Variants in OSBPL8 observed in about 807,000 individuals in gnomAD.
OSBPL8 encodes oxysterol-binding protein-related protein 8.
In OSBPL8, 59 loss-of-function variants were observed where a neutral mutation model predicts 125.5. The observed-to-expected ratio is 0.47, with a 90% CI of 0.38 to 0.58. The LOEUF (loss-of-function observed/expected upper bound fraction) is 0.58, where lower values mean the gene tolerates loss of function less well. Among genes scored for constraint, OSBPL8 ranks in the 20% least tolerant of loss-of-function variants. OSBPL8 has a pLI of 0.00. For missense variants in OSBPL8, 758 were observed against 1,047.8 expected (o/e 0.72, Z 3.82); for synonymous variants, 330 against 338.9 (o/e 0.97, Z 0.29).
intron 7 of OSBPL8, 52 bp from the exon 8 acceptor site, chr12:76,397,949 A>T (rs759934439): frequency 1.4e-5 from 21 of 1,474,456 alleles, no homozygotes; most frequent in Non-Finnish European, 1.9e-5. Flanking sequence ...TCCAAGGTCC[A>T]AACGAAAATA....
chr12:76,520,026 CT>C (rs1219373158), intron 1 of OSBPL8, among the ~76,000 whole-genome samples: 1 of 152,162 alleles, frequency 6.6e-6, no homozygotes, highest in Non-Finnish European at 1.5e-5. Flanking sequence ...GCAGTTTCCC[CT>C]CTCACCTACC....
At position 76,378,440 on chromosome 12, in the gene OSBPL8, GA is replaced by G; in HGVS notation, c.1729+11del. The stretch of plus-strand genomic sequence containing the variant: ...AAGCTTAATATCTAATTCAAGTATA[GA>G]AAATATTTACCTTTACAATGAGCGT... On this transcript the variant is annotated intron_variant, in intron 16 of 23. Coordinates refer to ENST00000261183, the MANE Select transcript of OSBPL8 (RefSeq NM_020841.5). 1 of 1,503,394 alleles carries G rather than the reference GA, an allele frequency of 6.7e-7. No homozygotes were observed. The highest frequency in any genetic ancestry group is 9.1e-7 in the Non-Finnish European group (1 of 1,100,142). 93.1% of individuals were successfully genotyped at this position (1,503,394 alleles called of 1,614,324 possible).
At chr12:76,421,127 T>C (rs184095770) in intron 4 of OSBPL8, among the ~76,000 whole-genome samples, 21 of 152,086 alleles carry the variant, frequency 1.4e-4, no homozygotes, top group Admixed American at 1.2e-3. Flanking sequence ...ACTTGTGGCA[T>C]GAAGGTCAGC....
At chr12:76,464,949 G>A (rs368113843) in intron 2 of OSBPL8, among the ~76,000 whole-genome samples, 8 of 152,160 alleles carry the variant, frequency 5.3e-5, no homozygotes, top group Admixed American at 1.3e-4. Flanking sequence ...TAGGCCCTTA[G>A]AATAACAAAC....
At chr12:76,390,843 T>C (rs890598104) in intron 10 of OSBPL8, among the ~76,000 whole-genome samples, 186 bp from the exon 11 acceptor site, 1 of 152,216 alleles carries the variant, frequency 6.6e-6, no homozygotes, top group Non-Finnish European at 1.5e-5. Context: ...ATTATTATTC[T>C]CATTTTACAG....
intron 1 of OSBPL8, among the ~76,000 whole-genome samples, chr12:76,517,314 A>C (rs1476461021): frequency 6.6e-6 from 1 of 152,182 alleles, no homozygotes; most frequent in Admixed American, 6.5e-5. Flanking sequence ...AAACTCCAAA[A>C]AATTTCAGAC....
At chr12:76,449,548 G>C (rs1873126938) in intron 4 of OSBPL8, among the ~76,000 whole-genome samples, 1 of 152,156 alleles carries the variant, frequency 6.6e-6, no homozygotes, top group Non-Finnish European at 1.5e-5. Flanking sequence ...TGGAGTAGTA[G>C]GCACTGAATT....
chr12:76,550,709 T>C (rs1296016399), intron 1 of OSBPL8, among the ~76,000 whole-genome samples: 3 of 152,214 alleles, frequency 2.0e-5, no homozygotes, highest in Non-Finnish European at 2.9e-5. Flanking sequence ...AAGCTTAGTC[T>C]AGCCAATAAA....
chr12:76,400,001 TAAA>T, intron 6 of OSBPL8, 27 bp from the exon 7 acceptor site: 1 of 1,530,922 alleles, frequency 6.5e-7, no homozygotes, highest in African/African-American at 1.4e-5. Context: ...ATAGAAAAGA[TAAA>T]AACTCAACAG....
rs868584668 is a variant in OSBPL8, at chr12:76,531,389, T to A, written c.-68+28008A>T. On this transcript the variant is annotated intron_variant, in intron 1 of 23. Coordinates refer to ENST00000261183, the MANE Select transcript of OSBPL8 (RefSeq NM_020841.5). ...CAGTAATTCAATGGTAATAAAGTAT[T>A]CCCTCCATCATTCAAGTTAGGTCCA... 3.9e-5 allele frequency among the ~76,000 whole-genome samples: 6 copies of A among 152,320 alleles called. No homozygotes were observed. In the South Asian group the frequency reaches 1.2e-3, roughly 32 times the overall value.
At position 76,369,407 on chromosome 12, in the gene OSBPL8, C is replaced by T; in HGVS notation, c.2241-106G>A. ...TTTATTAATAATTATATACATAGTT[C>T]TAATAATGAGATTTCCCCATACCTA... is the stretch of plus-strand genomic sequence containing the variant. On this transcript the variant is annotated intron_variant, in intron 20 of 23. Transcript: ENST00000261183. 2.1e-6 allele frequency: 3 copies of T among 1,436,870 alleles called. No individual in the cohort carries two copies. In the South Asian group the frequency reaches 4.6e-5, roughly 22 times the overall value. The allele number at this position is 1,436,870 out of a possible 1,614,324, so 89.0% of individuals were successfully genotyped here.
chr12:76,520,514 A>G (rs1272059820), intron 1 of OSBPL8, among the ~76,000 whole-genome samples: 1 of 152,186 alleles, frequency 6.6e-6, no homozygotes, highest in Non-Finnish European at 1.5e-5. Context: ...TGGACCTTAC[A>G]TGAGGTTACA....
At chr12:76,383,085 C>T (rs1953132215) in intron 15 of OSBPL8, among the ~76,000 whole-genome samples, 1 of 152,134 alleles carries the variant, frequency 6.6e-6, no homozygotes, top group South Asian at 2.1e-4. Context: ...ATCTTAAATT[C>T]ATTCTGGATT....
chr12:76,361,136 A>C (rs895850414), intron 21 of OSBPL8, among the ~76,000 whole-genome samples: 1 of 152,184 alleles, frequency 6.6e-6, no homozygotes, highest in African/African-American at 2.4e-5. Flanking sequence ...TTTCCCTTTT[A>C]AAACAGACTG....
intron 1 of OSBPL8, among the ~76,000 whole-genome samples, chr12:76,556,902 G>T (rs1318511826): frequency 6.6e-6 from 1 of 152,098 alleles, no homozygotes; most frequent in Non-Finnish European, 1.5e-5. Context: ...CTGACCTCAT[G>T]ATCTGCCCAC....
At chr12:76,546,516 T>G (rs1457417147) in intron 1 of OSBPL8, among the ~76,000 whole-genome samples, 2 of 152,126 alleles carry the variant, frequency 1.3e-5, no homozygotes, top group Non-Finnish European at 2.9e-5. Context: ...GCAGCATTAT[T>G]AAGGTATTGC....
At chr12:76,551,494 T>C (rs1950936426) in intron 1 of OSBPL8, among the ~76,000 whole-genome samples, 1 of 152,128 alleles carries the variant, frequency 6.6e-6, no homozygotes, top group Non-Finnish European at 1.5e-5. Context: ...CAGAGTCAAG[T>C]TAAGAAACCC....
rs371027027 is a variant in OSBPL8 at position 76,356,334 on chromosome 12, C to A, written c.2537+292G>T. On this transcript the variant is annotated intron_variant, in intron 23 of 23. Coordinates refer to ENST00000261183, the MANE Select transcript of OSBPL8 (RefSeq NM_020841.5). ...CTTTGTTAACTGACTTTCTCAGAAA[C>A]AATCCCACCTCCACATGCAACCCAG... Among the ~76,000 whole-genome samples the A allele has an allele frequency of 5.6e-4, 85 of 152,242 alleles. 1 individual carries two copies. Among genetic ancestry groups the A allele is most frequent in the African/African-American group, 2.0e-3 (84 of 41,538 alleles).
intron 1 of OSBPL8, among the ~76,000 whole-genome samples, chr12:76,522,614 T>G (rs1257641100): frequency 6.6e-6 from 1 of 152,196 alleles, no homozygotes; most frequent in Middle Eastern, 3.2e-3. Flanking sequence ...TGCTTTCCCT[T>G]TGACCTTCTC....
Sources: gnomAD v4.1 joint callset for allele counts (sites outside exome capture counted in the v4.1 genomes callset) on GRCh38, gnomAD v4.1.1 for gene constraint, MANE v1.5 for transcripts, NCBI Gene and HGNC (gene_info 2026-07-23, HGNC 2026-07-21) for gene names.